C4orf36: variants seen among roughly 807,000 people sequenced by gnomAD.
C4orf36 encodes uncharacterized protein C4orf36.
Under a neutral mutation model 12.2 loss-of-function variants are expected in C4orf36, and 11 were observed. That is an observed-to-expected ratio of 0.90 (90% CI 0.57 to 1.49). C4orf36 has a LOEUF of 1.49. C4orf36 is among the 40% of genes most tolerant of loss of function. C4orf36 has a pLI of 0.00. For synonymous variants in C4orf36, 54 were observed against 51.3 expected (o/e 1.05, Z -0.22); for missense variants, 137 against 133.9 (o/e 1.02, Z -0.11).
At chr4:86,905,642 C>T in the C4orf36 span, among the ~76,000 whole-genome samples, 1 of 151,408 alleles carries the variant, frequency 6.6e-6, no homozygotes, top group Non-Finnish European at 1.5e-5. Flanking sequence ...CTGAGGTTGG[C>T]CCCAGAAAAA....
the C4orf36 span, among the ~76,000 whole-genome samples, chr4:86,923,481 G>A: frequency 3.9e-5 from 6 of 151,984 alleles, no homozygotes; most frequent in Admixed American, 3.9e-4. Context: ...TTTCCTGCTG[G>A]GTGCAGTGGC....
chr4:86,888,031 G>C, intron 3 of C4orf36, 90 bp downstream of exon 3: 1 of 1,529,976 alleles, frequency 6.5e-7, no homozygotes, highest in South Asian at 1.2e-5. Flanking sequence ...TAGGAGGTAT[G>C]GGTGTAAATA....
chr4:86,888,383 T>C, intron 2 of C4orf36, 108 bp from the exon 3 acceptor site: 4 of 1,094,362 alleles, frequency 3.7e-6, no homozygotes, highest in Non-Finnish European at 5.2e-6. Flanking sequence ...GACATTTTGG[T>C]TTATGGGTGG....
At chr4:86,890,852 C>T (rs1393628360) in intron 2 of C4orf36, among the ~76,000 whole-genome samples, 2 of 152,150 alleles carry the variant, frequency 1.3e-5, no homozygotes, top group East Asian at 1.9e-4. Context: ...TAATCCACAC[C>T]GCATAGCCAA....
chr4:86,905,856 A>T, the C4orf36 span, among the ~76,000 whole-genome samples: 1 of 152,014 alleles, frequency 6.6e-6, no homozygotes, highest in Non-Finnish European at 1.5e-5. Flanking sequence ...CTGGGATTAC[A>T]GGCACCCACC....
chr4:86,909,893 T>TAAA, the C4orf36 span, among the ~76,000 whole-genome samples: 721 of 73,262 alleles, frequency 9.8e-3, 11 homozygotes, highest in African/African-American at 0.033. Flanking sequence ...GAGGAAGACT[T>TAAA]AAAAAAAAAA....
At chr4:86,899,202 T>G in the C4orf36 span, among the ~76,000 whole-genome samples, 2 of 152,228 alleles carry the variant, frequency 1.3e-5, no homozygotes, top group African/African-American at 2.4e-5. Context: ...AACAAATTAT[T>G]AATTCTTTCT....
At chr4:86,930,172 C>G in the C4orf36 span, among the ~76,000 whole-genome samples, 1 of 152,210 alleles carries the variant, frequency 6.6e-6, no homozygotes, top group Non-Finnish European at 1.5e-5. Flanking sequence ...TCTTTTCCTT[C>G]CCACTTCTCA....
the C4orf36 span, among the ~76,000 whole-genome samples, chr4:86,908,168 TACACACACACACACACACACACAC>T: frequency 1.4e-4 from 20 of 140,882 alleles, no homozygotes; most frequent in Non-Finnish European, 2.3e-4. Flanking sequence ...ACTTTCAACA[TACACACACACACACACACACACAC>T]ACACACACAC....
chr4:86,903,163 TTCTTCC>T, the C4orf36 span, among the ~76,000 whole-genome samples: 33 of 152,362 alleles, frequency 2.2e-4, no homozygotes, highest in African/African-American at 7.5e-4. Flanking sequence ...ATTTTCACAT[TTCTTCC>T]ATGAGGAAAG....
At chr4:86,921,265 A>T in the C4orf36 span, among the ~76,000 whole-genome samples, 1 of 152,032 alleles carries the variant, frequency 6.6e-6, no homozygotes, top group African/African-American at 2.4e-5. Flanking sequence ...TGTCACACAC[A>T]CAAAAAAATA....
At chr4:86,893,086 G>A (rs1378986744), upstream of C4orf36, among the ~76,000 whole-genome samples, 1 of 152,214 alleles carries the variant, frequency 6.6e-6, no homozygotes, top group Admixed American at 6.5e-5. Flanking sequence ...TTCTGAGGAT[G>A]AAAGATCCTG....
At chr4:86,896,765 T>C (rs1747599424), upstream of C4orf36, among the ~76,000 whole-genome samples, 1 of 152,220 alleles carries the variant, frequency 6.6e-6, no homozygotes, top group African/African-American at 2.4e-5. Flanking sequence ...GCGTATCCGT[T>C]TGTGGGAACT....
chr4:86,922,245 T>C, the C4orf36 span, among the ~76,000 whole-genome samples: 4 of 152,208 alleles, frequency 2.6e-5, no homozygotes, highest in Non-Finnish European at 5.9e-5. Flanking sequence ...TTTTACATTG[T>C]TATTAGTTTT....
At chr4:86,921,753 C>A in the C4orf36 span, among the ~76,000 whole-genome samples, 1 of 152,164 alleles carries the variant, frequency 6.6e-6, no homozygotes, top group East Asian at 1.9e-4. Flanking sequence ...TATTGTTGTG[C>A]AACCATCACC....
At chr4:86,914,182 A>G in the C4orf36 span, 2 of 1,591,410 alleles carry the variant, frequency 1.3e-6, no homozygotes, top group South Asian at 2.2e-5. Context: ...AGTGGGGACT[A>G]CTTCACAAAA....
At chr4:86,929,052 G>T in the C4orf36 span, among the ~76,000 whole-genome samples, 2 of 152,162 alleles carry the variant, frequency 1.3e-5, no homozygotes, top group Non-Finnish European at 2.9e-5. Context: ...TATCATGTGT[G>T]CCTCTAGCCT....
In C4orf36 at chr4:86,891,427, C is replaced by T. The variant is rs745807944; in HGVS notation, c.65+29G>A. 10 of 1,493,754 alleles carry T rather than the reference C, an allele frequency of 6.7e-6. No individual in the cohort carries two copies. In the South Asian group the frequency reaches 1.2e-4, roughly 17 times the overall value. 92.5% of individuals were successfully genotyped at this position (1,493,754 alleles called of 1,614,324 possible). ...CTCCCCACCGCAGTCAATGCTTACC[C>T]TGATTTAAAAAAAAAAAATAGTACT... On this transcript the variant is annotated intron_variant, in intron 2 of 4. Coordinates refer to ENST00000295898, the MANE Select transcript of C4orf36 (RefSeq NM_144645.4).
At chr4:86,879,514 A>G (rs1396775437) in intron 4 of C4orf36, among the ~76,000 whole-genome samples, 4 of 152,204 alleles carry the variant, frequency 2.6e-5, no homozygotes, top group African/African-American at 9.7e-5. Context: ...AAGAATGAAG[A>G]AAAGTGAAGA....
Sources: gnomAD v4.1 joint callset for allele counts (sites outside exome capture counted in the v4.1 genomes callset) on GRCh38, gnomAD v4.1.1 for gene constraint, MANE v1.5 for transcripts, NCBI Gene and HGNC (gene_info 2026-07-23, HGNC 2026-07-21) for gene names.